The following PIP4K2A variants were observed in gnomAD, a reference collection of about 807,000 sequenced individuals.
PIP4K2A encodes the protein phosphatidylinositol 5-phosphate 4-kinase type-2 alpha.
In PIP4K2A, 14 loss-of-function variants were observed where a neutral mutation model predicts 42.9. The ratio of observed to expected loss-of-function variants is 0.33; its 90% CI spans 0.22 to 0.51. PIP4K2A has a LOEUF of 0.51. Among genes scored for constraint, PIP4K2A ranks in the 20% least tolerant of loss-of-function variants. PIP4K2A has a pLI of 0.97. For synonymous variants in PIP4K2A, 192 were observed against 192.2 expected, an observed-to-expected ratio of 1.00 and a Z score of 0.01; for missense variants, 434 against 519.8, an observed-to-expected ratio of 0.83 and a Z score of 1.61.
intron 4 of PIP4K2A, among the ~76,000 whole-genome samples, chr10:22,584,773 C>G (rs1837355495): frequency 6.6e-6 from 1 of 152,216 alleles, no homozygotes; most frequent in African/African-American, 2.4e-5. Flanking sequence ...AGCAGAGGGT[C>G]TACTGGGAGC....
At chr10:22,699,151 G>A (rs542414080) in intron 1 of PIP4K2A, among the ~76,000 whole-genome samples, 12 of 152,264 alleles carry the variant, frequency 7.9e-5, no homozygotes, top group Admixed American at 2.6e-4. Context: ...CAAAAAGAAA[G>A]TGCCTTATGG....
At chr10:22,633,361 AAC>A (rs1468930695) in intron 1 of PIP4K2A, among the ~76,000 whole-genome samples, 2 of 152,220 alleles carry the variant, frequency 1.3e-5, no homozygotes, top group Admixed American at 1.3e-4. Context: ...AGATTAAACA[AAC>A]ACACAGCCTT....
intron 1 of PIP4K2A, among the ~76,000 whole-genome samples, chr10:22,626,089 G>A (rs908582712): frequency 6.6e-6 from 1 of 152,074 alleles, no homozygotes; most frequent in African/African-American, 2.4e-5. Flanking sequence ...TGGTCCCGCT[G>A]AGTCTTTCCC....
At chr10:22,641,896 T>C (rs1394513367) in intron 1 of PIP4K2A, 2 of 152,250 alleles carry the variant, frequency 1.3e-5, no homozygotes, top group Non-Finnish European at 2.9e-5. Flanking sequence ...GGTTCTCTAC[T>C]CTGCAGCCAG....
At chr10:22,554,398 C>T (rs193024643) in intron 6 of PIP4K2A, among the ~76,000 whole-genome samples, 36 of 152,294 alleles carry the variant, frequency 2.4e-4, no homozygotes, top group African/African-American at 7.2e-4. Flanking sequence ...CTGTGGGCAG[C>T]GACAGCTTAA....
chr10:22,546,834 C>T (rs573396979), intron 7 of PIP4K2A, among the ~76,000 whole-genome samples: 5 of 152,330 alleles, frequency 3.3e-5, no homozygotes, highest in South Asian at 4.1e-4. Flanking sequence ...GTGGGCTTCA[C>T]TGCGGGGTCT....
intron 6 of PIP4K2A, among the ~76,000 whole-genome samples, chr10:22,551,700 A>G (rs1194154206): frequency 6.6e-6 from 1 of 152,258 alleles, no homozygotes; most frequent in East Asian, 1.9e-4. Flanking sequence ...ATCCAATGTC[A>G]TGCACTGCCT....
intron 1 of PIP4K2A, among the ~76,000 whole-genome samples, chr10:22,656,967 C>G (rs182259706): frequency 3.9e-5 from 6 of 152,232 alleles, no homozygotes; most frequent in Admixed American, 2.6e-4. Flanking sequence ...AAATAGAGTC[C>G]TAAATGATTC....
At chr10:22,658,150 T>C (rs1175873324) in intron 1 of PIP4K2A, among the ~76,000 whole-genome samples, 1 of 152,252 alleles carries the variant, frequency 6.6e-6, no homozygotes, top group Non-Finnish European at 1.5e-5. Context: ...TTCTCAGAAT[T>C]AGTAGAATTT....
chr10:22,630,116 C>T lies in PIP4K2A; in HGVS notation c.145-20399G>A, dbSNP rs187895541. Among the ~76,000 whole-genome samples the T allele has an allele frequency of 9.9e-5, 15 of 151,130 alleles. No homozygotes were observed. In the East Asian group the frequency reaches 2.5e-3, roughly 26 times the overall value. On this transcript the variant is annotated intron_variant, in intron 1 of 9. Transcript: ENST00000376573. The stretch of plus-strand genomic sequence containing the variant: ...TGTTGGGAAGGCCAAGGAGGGAAGA[C>T]GCTTAAGGTCAGGAGTTTTAACACC...
chr10:22,697,726 G>C (rs938098962), intron 1 of PIP4K2A, among the ~76,000 whole-genome samples: 1 of 149,712 alleles, frequency 6.7e-6, no homozygotes, highest in East Asian at 1.9e-4. Flanking sequence ...ACTGCATCTC[G>C]GAAAATTTTT....
intron 1 of PIP4K2A, among the ~76,000 whole-genome samples, chr10:22,661,396 G>C (rs1045464756): frequency 1.5e-5 from 2 of 131,906 alleles, no homozygotes; most frequent in Admixed American, 9.0e-5. Flanking sequence ...TTGTTCTGTC[G>C]CTCGGGCTGG....
At chr10:22,626,488 C>T (rs1838441119) in intron 1 of PIP4K2A, among the ~76,000 whole-genome samples, 1 of 152,224 alleles carries the variant, frequency 6.6e-6, no homozygotes, top group African/African-American at 2.4e-5. Flanking sequence ...GTTTATAAGA[C>T]ATACCACACT....
rs559459705 is a variant in PIP4K2A at position 22,658,154 on chromosome 10, A to C, written c.145-48437T>G. 9.5e-4 allele frequency among the ~76,000 whole-genome samples: 145 copies of C among 152,366 alleles called. 3 individuals are homozygous for C. In the South Asian group the frequency reaches 0.029, roughly 31 times the overall value. ...CTTTGTTGATCTTCTCAGAATTAGTAGAATTTCAAGGTTTGCTCTACTTTG... is the reference window on the plus strand; with the variant it reads ...CTTTGTTGATCTTCTCAGAATTAGTCGAATTTCAAGGTTTGCTCTACTTTG... On this transcript the variant is annotated intron_variant, in intron 1 of 9. Transcript: ENST00000376573.
At chr10:22,616,603 AGT>A (rs1284570279) in intron 1 of PIP4K2A, among the ~76,000 whole-genome samples, 2 of 152,224 alleles carry the variant, frequency 1.3e-5, no homozygotes, top group Non-Finnish European at 2.9e-5. Context: ...CCTAACAGCC[AGT>A]GAGATAAGAT....
intron 1 of PIP4K2A, among the ~76,000 whole-genome samples, chr10:22,621,102 C>T (rs1838319286): frequency 6.6e-6 from 1 of 152,182 alleles, no homozygotes; most frequent in South Asian, 2.1e-4. Context: ...TTAAGCATCA[C>T]CATTGATGCA....
intron 1 of PIP4K2A, among the ~76,000 whole-genome samples, chr10:22,641,063 G>A (rs1276754272): frequency 6.6e-6 from 1 of 152,150 alleles, no homozygotes; most frequent in Non-Finnish European, 1.5e-5. Flanking sequence ...TGCTTGTGTA[G>A]CAGCAGTATT....
At position 22,574,170 on chromosome 10, in the gene PIP4K2A, T is replaced by A. The variant is rs977499532; in HGVS notation, c.493-713A>T. 1.4e-4 allele frequency among the ~76,000 whole-genome samples: 17 copies of A among 118,314 alleles called. 1 individual carries two copies. In the Admixed American group the frequency reaches 1.6e-3, roughly 11 times the overall value. The allele number at this position is 118,314 out of a possible 152,430, so 77.6% of individuals were successfully genotyped here. The stretch of plus-strand genomic sequence containing the variant: ...CAGAGGGCCACAAGATGGAGCCACT[T>A]CTCCCTGAGAGCAGATTTTCATAAA... On this transcript the variant is annotated intron_variant, in intron 4 of 9. Coordinates refer to ENST00000376573, the MANE Select transcript of PIP4K2A (RefSeq NM_005028.5).
At chr10:22,621,088 A>G (rs558925214) in intron 1 of PIP4K2A, among the ~76,000 whole-genome samples, 5 of 152,232 alleles carry the variant, frequency 3.3e-5, no homozygotes, top group Non-Finnish European at 7.3e-5. Flanking sequence ...TCAGCCACGT[A>G]AAGTTAAGCA....
Sources: gnomAD v4.1 joint callset for allele counts (sites outside exome capture counted in the v4.1 genomes callset) on GRCh38, gnomAD v4.1.1 for gene constraint, MANE v1.5 for transcripts, NCBI Gene and HGNC (gene_info 2026-07-23, HGNC 2026-07-21) for gene names.